Variants in GABRB2 observed in about 807,000 individuals in gnomAD.
GABRB2 encodes the protein gamma-aminobutyric acid receptor subunit beta-2.
In GABRB2, 16 loss-of-function variants were observed where a neutral mutation model predicts 54.7. The observed-to-expected ratio is 0.29, with a 90% CI of 0.20 to 0.44. The LOEUF is 0.44. Among genes scored for constraint, GABRB2 ranks in the 20% least tolerant of loss-of-function variants. The pLI, the probability that GABRB2 is intolerant of heterozygous loss-of-function variation, is 1.00. For synonymous variants in GABRB2, 244 were observed against 233.8 expected (o/e 1.04, Z -0.40); for missense variants, 355 against 644.0 (o/e 0.55, Z 4.86).
At chr5:161,426,141 T>C (rs755074708) in intron 4 of GABRB2, among the ~76,000 whole-genome samples, 4 of 152,042 alleles carry the variant, frequency 2.6e-5, no homozygotes, top group African/African-American at 4.8e-5. Context: ...AGGGCAAGAA[T>C]GGGATTATAG....
intron 3 of GABRB2, among the ~76,000 whole-genome samples, chr5:161,507,338 C>A (rs12153574): frequency 0.28 from 42,282 of 151,700 alleles, 6,336 homozygotes; most frequent in Admixed American, 0.4. Flanking sequence ...ATAGTATTGT[C>A]CCAACGTTAA....
At chr5:161,490,332 C>A (rs1367679496) in intron 3 of GABRB2, among the ~76,000 whole-genome samples, 1 of 151,506 alleles carries the variant, frequency 6.6e-6, no homozygotes, top group Admixed American at 6.6e-5. Flanking sequence ...TTTGAGAGTA[C>A]CAGTTGAGAA....
At chr5:161,449,302 A>T (rs1346706369) in intron 4 of GABRB2, among the ~76,000 whole-genome samples, 1 of 152,188 alleles carries the variant, frequency 6.6e-6, no homozygotes, top group Non-Finnish European at 1.5e-5. Flanking sequence ...AAATTGTTTG[A>T]TGTAAATGAG....
intron 3 of GABRB2, among the ~76,000 whole-genome samples, chr5:161,475,972 A>G (rs1561663855): frequency 6.6e-6 from 1 of 151,982 alleles, no homozygotes; most frequent in Non-Finnish European, 1.5e-5. Context: ...ATGAAAAGAC[A>G]TCCTAATTGG....
intron 3 of GABRB2, among the ~76,000 whole-genome samples, chr5:161,466,306 G>A (rs147976638): frequency 2.2e-4 from 33 of 152,050 alleles, no homozygotes; most frequent in Admixed American, 7.2e-4. Context: ...CTGGGCTTCC[G>A]CACTGTGAAG....
intron 4 of GABRB2, among the ~76,000 whole-genome samples, chr5:161,440,792 T>C (rs1430803564): frequency 6.6e-6 from 1 of 152,082 alleles, no homozygotes; most frequent in African/African-American, 2.4e-5. Context: ...TGGAGCAGAA[T>C]AGAGGCCCCC....
intron 5 of GABRB2, among the ~76,000 whole-genome samples, chr5:161,379,555 C>G (rs1755405791): frequency 6.6e-6 from 1 of 152,180 alleles, no homozygotes; most frequent in African/African-American, 2.4e-5. Flanking sequence ...AATACATTCT[C>G]AAATTTCATT....
Position 161,294,389 on chromosome 5 carries a change from T to A in GABRB2, c.1231A>T (p.Ile411Leu). The A allele has an allele frequency of 6.2e-7, 1 of 1,613,996 alleles. No individual in the cohort carries two copies. ...HENILLSTLE[I>L]KNEMATSEAV... ...TCAGATGTGGCCATTTCATTTTTTATCTCGAGAGTGCTCAGTAAGATGTTC... is the reference window on the plus strand; with the variant it reads ...TCAGATGTGGCCATTTCATTTTTTAACTCGAGAGTGCTCAGTAAGATGTTC... Residue 411 changes from isoleucine (I) to leucine (L), a missense_variant, in exon 10 of 10, where the codon ATA (isoleucine) becomes TTA (leucine). Coordinates refer to ENST00000393959, the MANE Select transcript of GABRB2 (RefSeq NM_001371727.1).
intron 5 of GABRB2, among the ~76,000 whole-genome samples, chr5:161,360,470 G>GT (rs1754777587): frequency 6.6e-6 from 1 of 152,122 alleles, no homozygotes; most frequent in African/African-American, 2.4e-5. Context: ...ATTTCTACAA[G>GT]TTGTTCTCTT....
At chr5:161,426,986 TA>T (rs1482117836) in intron 4 of GABRB2, among the ~76,000 whole-genome samples, 4 of 152,162 alleles carry the variant, frequency 2.6e-5, no homozygotes. Context: ...TCAACCAAGA[TA>T]AAGAACAGCT....
chr5:161,309,975 T>C (rs1261595513), intron 9 of GABRB2, among the ~76,000 whole-genome samples: 2 of 152,126 alleles, frequency 1.3e-5, no homozygotes, highest in Admixed American at 1.3e-4. Flanking sequence ...TGGAATACTA[T>C]GCAGCTATAA....
At position 161,293,952 on chromosome 5, in the gene GABRB2, A is replaced by C. The variant is rs1220531429; in HGVS notation, c.*129T>G. On this transcript the variant is annotated 3_prime_UTR_variant, in exon 10 of 10. Transcript: ENST00000393959. Reference sequence around the variant, plus strand: ...CAAATGGTATGAAATGGACCACAGGATAGGCCAGCAACTAAGGTATTTTAG... The same window carrying C: ...CAAATGGTATGAAATGGACCACAGGCTAGGCCAGCAACTAAGGTATTTTAG... The C allele has an allele frequency of 7.1e-6, 5 of 703,294 alleles. No individual in the cohort carries two copies. The East Asian group carries it at 1.1e-4, about 15-fold the overall frequency. 43.6% of individuals were successfully genotyped at this position (703,294 alleles called of 1,614,324 possible).
At chr5:161,524,846 T>C (rs1027496619) in intron 3 of GABRB2, among the ~76,000 whole-genome samples, 1 of 151,392 alleles carries the variant, frequency 6.6e-6, no homozygotes, top group Non-Finnish European at 1.5e-5. Flanking sequence ...AAAATGTATT[T>C]AGCTATGAAA....
At chr5:161,505,726 G>A (rs1759586562) in intron 3 of GABRB2, among the ~76,000 whole-genome samples, 1 of 152,040 alleles carries the variant, frequency 6.6e-6, no homozygotes, top group Non-Finnish European at 1.5e-5. Flanking sequence ...AGAAAACGTG[G>A]CAAAATTCAA....
intron 5 of GABRB2, among the ~76,000 whole-genome samples, chr5:161,372,484 G>C (rs1322062803): frequency 2.0e-5 from 3 of 152,040 alleles, no homozygotes; most frequent in African/African-American, 7.2e-5. Flanking sequence ...TCTAAAATGT[G>C]GCTGTAAGTC....
chr5:161,400,776 AGCTTG>A (rs1399967743), intron 5 of GABRB2, among the ~76,000 whole-genome samples: 54 of 152,264 alleles, frequency 3.5e-4, no homozygotes, highest in African/African-American at 1.3e-3. Context: ...CATATTCCTA[AGCTTG>A]ACAGCTGTGC....
chr5:161,310,195 G>GA (rs1273273462), intron 9 of GABRB2, among the ~76,000 whole-genome samples: 6 of 152,026 alleles, frequency 3.9e-5, no homozygotes, highest in Admixed American at 6.5e-5. Flanking sequence ...AGAGGATCAG[G>GA]AAAAAACTAA....
At chr5:161,534,468 T>C (rs941879382) in intron 3 of GABRB2, among the ~76,000 whole-genome samples, 2 of 152,178 alleles carry the variant, frequency 1.3e-5, no homozygotes, top group Non-Finnish European at 2.9e-5. Context: ...GAATATTTAA[T>C]CCTCTCGGGA....
rs990767890 is a variant in GABRB2, at chr5:161,305,532, C to A, written c.1192-11104G>T. Among the ~76,000 whole-genome samples the A allele has an allele frequency of 3.3e-5, 5 of 152,290 alleles. No individual in the cohort carries two copies. In the East Asian group the frequency reaches 5.8e-4, roughly 18 times the overall value. On this transcript the variant is annotated intron_variant, in intron 9 of 9. Transcript: ENST00000393959. The stretch of plus-strand genomic sequence containing the variant: ...AGTTTTAACACCTGTGAGCTTACAT[C>A]CTGACAGGTGAAGGCTTGTTCTAGT...
Sources: allele counts gnomAD v4.1 joint callset (sites outside exome capture counted in the v4.1 genomes callset), GRCh38; gene constraint gnomAD v4.1.1; transcripts MANE v1.5; gene names NCBI Gene and HGNC (gene_info 2026-07-23, HGNC 2026-07-21).